PCDH15: variants seen among roughly 807,000 people sequenced by gnomAD.
PCDH15 encodes protocadherin-15.
A neutral mutation model predicts 178.5 loss-of-function variants in PCDH15; 129 were observed. The ratio of observed to expected loss-of-function variants is 0.72; its 90% CI spans 0.63 to 0.84. PCDH15 has a LOEUF of 0.84. Ranked by LOEUF, PCDH15 falls within the 40% of genes least tolerant of loss-of-function variation. PCDH15 has a pLI of 0.00. For synonymous variants in PCDH15, 800 were observed against 732.0 expected (o/e 1.09, Z -1.50); for missense variants, 2,230 against 2,099.9 (o/e 1.06, Z -1.21).
At chr10:54,082,514 G>A (rs1251048394) in intron 16 of PCDH15, among the ~76,000 whole-genome samples, 1 of 152,026 alleles carries the variant, frequency 6.6e-6, no homozygotes, top group Admixed American at 6.6e-5. Context: ...GTCAACAAAC[G>A]GCACTGGAAC....
At chr10:54,833,988 G>T (rs185234371) in intron 3 of PCDH15, among the ~76,000 whole-genome samples, 14 of 152,024 alleles carry the variant, frequency 9.2e-5, no homozygotes, top group Admixed American at 2.0e-4. Flanking sequence ...TTAGGCTCCT[G>T]GGCTATAGAA....
At chr10:54,400,101 C>A (rs767939544) in intron 3 of PCDH15, among the ~76,000 whole-genome samples, 41 of 151,864 alleles carry the variant, frequency 2.7e-4, no homozygotes, top group Non-Finnish European at 5.4e-4. Context: ...GATATCCAAG[C>A]GGAAAAAAAT....
intron 2 of PCDH15, among the ~76,000 whole-genome samples, chr10:55,160,825 C>T (rs943982281): frequency 2.0e-5 from 3 of 152,092 alleles, no homozygotes; most frequent in South Asian, 2.1e-4. Flanking sequence ...TGCCTGTTGA[C>T]GTCTAGGAAT....
intron 2 of PCDH15, among the ~76,000 whole-genome samples, chr10:55,597,948 C>G (rs1842968119): frequency 6.6e-6 from 1 of 152,056 alleles, no homozygotes; most frequent in Non-Finnish European, 1.5e-5. Flanking sequence ...ACAAGCATCC[C>G]CGCCCCAGTG....
chr10:55,288,609 C>T (rs1006626278), intron 1 of PCDH15, among the ~76,000 whole-genome samples: 39 of 151,940 alleles, frequency 2.6e-4, no homozygotes, highest in Non-Finnish European at 5.0e-4. Flanking sequence ...AGATAACTCA[C>T]ATAAGTGGAA....
chr10:54,381,469 C>T (rs912950722), intron 3 of PCDH15, among the ~76,000 whole-genome samples: 2 of 152,078 alleles, frequency 1.3e-5, no homozygotes, highest in African/African-American at 4.8e-5. Flanking sequence ...TGCAAGCTTC[C>T]CTTTTTGCCA....
chr10:55,196,699 C>G (rs1372566476), intron 1 of PCDH15, among the ~76,000 whole-genome samples: 1 of 152,016 alleles, frequency 6.6e-6, no homozygotes, highest in Non-Finnish European at 1.5e-5. Flanking sequence ...TGGCACTTCT[C>G]TAAGCCAGAT....
At chr10:55,372,060 C>A (rs1845519713) in intron 2 of PCDH15, among the ~76,000 whole-genome samples, 1 of 152,018 alleles carries the variant, frequency 6.6e-6, no homozygotes, top group Non-Finnish European at 1.5e-5. Flanking sequence ...ATAATTTGAA[C>A]AATCATCAGC....
At chr10:54,195,012 T>C (rs1310248528) in intron 11 of PCDH15, among the ~76,000 whole-genome samples, 1 of 152,188 alleles carries the variant, frequency 6.6e-6, no homozygotes, top group East Asian at 1.9e-4. Context: ...CCAAAGTCTT[T>C]CAGCCCTTCT....
At chr10:54,140,635 A>AT (rs1229959909) in intron 14 of PCDH15, among the ~76,000 whole-genome samples, 1 of 151,678 alleles carries the variant, frequency 6.6e-6, no homozygotes, top group South Asian at 2.1e-4. Flanking sequence ...CACCTGGCTA[A>AT]TTTTTTGTAT....
At chr10:54,079,514 CT>C (rs1017145644) in intron 16 of PCDH15, 90 bp from the exon 17 acceptor site, 33 of 1,147,678 alleles carry the variant, frequency 2.9e-5, no homozygotes, top group Admixed American at 6.8e-5. Flanking sequence ...CTTTTGATAG[CT>C]TTTTTTCCCC....
intron 2 of PCDH15, among the ~76,000 whole-genome samples, chr10:55,332,098 A>G (rs1305687824): frequency 2.0e-5 from 3 of 152,162 alleles, no homozygotes; most frequent in Non-Finnish European, 4.4e-5. Context: ...TGTAAATGTC[A>G]ATTATTTGTG....
chr10:53,823,425 G>GT, intron 32 of PCDH15: 1 of 1,425,804 alleles, frequency 7.0e-7, no homozygotes, highest in Non-Finnish European at 9.9e-7. Flanking sequence ...TGAGAAAGAT[G>GT]TTTTTATGGC....
intron 2 of PCDH15, among the ~76,000 whole-genome samples, chr10:55,373,181 G>A (rs1337960951): frequency 6.6e-6 from 1 of 152,012 alleles, no homozygotes; most frequent in East Asian, 1.9e-4. Flanking sequence ...TGCTATTAAG[G>A]GGAAAGCTCC....
Position 54,683,090 on chromosome 10 carries a change from A to C in PCDH15, c.-28-18800T>G, listed in dbSNP as rs551844679. Among the ~76,000 whole-genome samples, 15 of 152,300 alleles carry C rather than the reference A, an allele frequency of 9.8e-5. No homozygotes were observed. In the East Asian group the frequency reaches 2.9e-3, roughly 29 times the overall value. Reference sequence around the variant, plus strand: ...GAGGAACAAAATTCTGAGATATTATAAGACTTTGAAAGTCATATTAGGCTT... The same window carrying C: ...GAGGAACAAAATTCTGAGATATTATCAGACTTTGAAAGTCATATTAGGCTT... On this transcript the variant is annotated intron_variant, in intron 1 of 37. Coordinates refer to ENST00000644397, the MANE Select transcript of PCDH15 (RefSeq NM_001384140.1).
At chr10:55,317,050 C>A (rs1229491460) in intron 1 of PCDH15, among the ~76,000 whole-genome samples, 2 of 152,088 alleles carry the variant, frequency 1.3e-5, no homozygotes, top group African/African-American at 4.8e-5. Context: ...TATCAACTGG[C>A]ACTACTATTC....
At chr10:53,829,372 A>G (rs1322819456) in intron 30 of PCDH15, among the ~76,000 whole-genome samples, 1 of 152,208 alleles carries the variant, frequency 6.6e-6, no homozygotes, top group Non-Finnish European at 1.5e-5. Flanking sequence ...TACCTTGTAT[A>G]ACATCCAGAG....
chr10:55,470,688 T>C (rs980970654), intron 2 of PCDH15, among the ~76,000 whole-genome samples: 2 of 152,184 alleles, frequency 1.3e-5, no homozygotes, highest in African/African-American at 4.8e-5. Flanking sequence ...ACGGTTTACA[T>C]TAGAGTTGAC....
intron 2 of PCDH15, among the ~76,000 whole-genome samples, chr10:54,919,243 A>G (rs1210837548): frequency 6.6e-6 from 1 of 152,110 alleles, no homozygotes; most frequent in African/African-American, 2.4e-5. Flanking sequence ...ATATTATTTA[A>G]GCATCCCTTG....
Sources: allele counts gnomAD v4.1 joint callset (sites outside exome capture counted in the v4.1 genomes callset), GRCh38; gene constraint gnomAD v4.1.1; transcripts MANE v1.5; gene names NCBI Gene and HGNC (gene_info 2026-07-23, HGNC 2026-07-21).